Variants in PLCD4 observed in about 807,000 individuals in gnomAD.
PLCD4 encodes 1-phosphatidylinositol 4,5-bisphosphate phosphodiesterase delta-4.
A neutral mutation model predicts 90.2 loss-of-function variants in PLCD4; 63 were observed. The observed-to-expected ratio is 0.70, with a 90% CI of 0.57 to 0.86. The LOEUF (loss-of-function observed/expected upper bound fraction) is 0.86, where lower values mean the gene tolerates loss of function less well. Among genes scored for constraint, PLCD4 ranks in the 40% least tolerant of loss-of-function variants. PLCD4 has a pLI of 0.00. For missense variants in PLCD4, 830 were observed against 956.3 expected (o/e 0.87, Z 1.74); for synonymous variants, 294 against 356.5 (o/e 0.82, Z 1.97).
chr2:218,617,058 G>A (rs1358296890), intron 3 of PLCD4, among the ~76,000 whole-genome samples: 5 of 139,410 alleles, frequency 3.6e-5, no homozygotes, highest in African/African-American at 5.1e-5. Context: ...TCCGCCTTCC[G>A]GGTTCACGCC....
intron 6 of PLCD4, 36 bp from the exon 7 acceptor site, chr2:218,627,993 A>C: frequency 6.4e-7 from 1 of 1,567,118 alleles, no homozygotes. Context: ...TCCCATTCAG[A>C]GCTTCTCACC....
intron 3 of PLCD4, 24 bp downstream of exon 3, chr2:218,616,086 G>A: frequency 1.2e-6 from 2 of 1,609,906 alleles, no homozygotes; most frequent in Non-Finnish European, 8.5e-7. Flanking sequence ...ATAGTGGGGG[G>A]TGGATACATG....
intron 4 of PLCD4, among the ~76,000 whole-genome samples, chr2:218,619,514 C>T (rs1482525604): frequency 1.3e-5 from 2 of 151,974 alleles, no homozygotes; most frequent in Non-Finnish European, 2.9e-5. Context: ...AGGCTGGTCT[C>T]GAACTCTGGA....
chr2:218,610,894 A>G (rs1244183527), intron 1 of PLCD4, among the ~76,000 whole-genome samples: 2 of 151,856 alleles, frequency 1.3e-5, no homozygotes, highest in African/African-American at 4.8e-5. Context: ...CTCCCAGCTA[A>G]TTTTTGTATT....
At chr2:218,611,708 C>T (rs1695341962) in intron 1 of PLCD4, among the ~76,000 whole-genome samples, 2 of 152,158 alleles carry the variant, frequency 1.3e-5, no homozygotes, top group African/African-American at 4.8e-5. Flanking sequence ...AAGTGATTCT[C>T]CTGCCTCAGC....
At chr2:218,618,440 C>G in intron 3 of PLCD4, 139 bp from the exon 4 acceptor site, 1 of 695,154 alleles carries the variant, frequency 1.4e-6, no homozygotes, top group Non-Finnish European at 2.4e-6. Flanking sequence ...TGTACTAATG[C>G]TTTTTGGGAT....
intron 1 of PLCD4, among the ~76,000 whole-genome samples, chr2:218,614,716 G>T (rs1163374179): frequency 1.3e-5 from 2 of 152,022 alleles, no homozygotes; most frequent in African/African-American, 4.8e-5. Context: ...CTCCCAAATT[G>T]CTGGGATTAC....
At position 218,636,665 on chromosome 2, in the gene PLCD4, G is replaced by A. The variant is rs1696776176; in HGVS notation, c.*88G>A. 1 of 1,384,228 alleles carries A rather than the reference G, an allele frequency of 7.2e-7. No homozygotes were observed. The highest frequency in any genetic ancestry group is 1.0e-6 in the Non-Finnish European group (1 of 997,608). The allele number at this position is 1,384,228 out of a possible 1,614,324, so 85.7% of individuals were successfully genotyped here. On this transcript the variant is annotated 3_prime_UTR_variant, in exon 16 of 16. Transcript: ENST00000450993. ...ATGCTCGAGAGAACAAATGGAGGTG[G>A]TGAAAATCAAGCTTTGGATTGTGCA...
chr2:218,625,952 CAACA>C (rs1393683285), intron 6 of PLCD4, among the ~76,000 whole-genome samples: 3 of 151,688 alleles, frequency 2.0e-5, no homozygotes, highest in Non-Finnish European at 4.4e-5. Context: ...ACCAACCAAC[CAACA>C]AACAAACAAA....
chr2:218,614,692 C>G (rs1314139822), intron 1 of PLCD4, among the ~76,000 whole-genome samples: 1 of 151,834 alleles, frequency 6.6e-6, no homozygotes, highest in Non-Finnish European at 1.5e-5. Flanking sequence ...CTCTGGTGAT[C>G]CGCCAGCCTC....
In PLCD4 at chr2:218,615,761, C is replaced by T. The variant is rs1265137456; in HGVS notation, c.22C>T (p.Gln8Ter). The T allele has an allele frequency of 1.4e-5, 22 of 1,606,746 alleles. No individual in the cohort carries two copies. The highest frequency in any genetic ancestry group is 3.3e-5 in the South Asian group (3 of 89,828). MASLLQD[Q>*]LTTDQDLLLM... The stretch of plus-strand genomic sequence containing the variant: ...GGTGATGGCGTCCCTGCTGCAAGAC[C>T]GTGAGTGCCGGGGCCCCTGCAGGGG... Residue 8 changes from glutamine to a stop codon, truncating the protein, a stop_gained and splice_region_variant, in exon 2 of 16, where the codon CAG becomes TAG. Transcript: ENST00000450993. LOFTEE classifies it high-confidence loss of function.
intron 6 of PLCD4, among the ~76,000 whole-genome samples, chr2:218,624,160 T>C (rs1036509524): frequency 2.0e-5 from 3 of 152,220 alleles, no homozygotes; most frequent in Non-Finnish European, 2.9e-5. Context: ...GGTGCCTCTC[T>C]TGAGAATGAG....
chr2:218,618,737 A>ATAT lies in PLCD4; in HGVS notation c.341_343dup (p.Ile114_Trp115insLeu), dbSNP rs773382271. The ATAT allele has an allele frequency of 2.5e-6, 4 of 1,611,958 alleles. No individual in the cohort carries two copies. The African/African-American group carries it at 4.0e-5, about 16-fold the overall frequency. On this transcript the variant is annotated inframe_insertion, in exon 4 of 16. Coordinates refer to ENST00000450993, the MANE Select transcript of PLCD4 (RefSeq NM_032726.4). ...GGCCAACAGTGTTGAGGAGGCCCAG[A>ATAT]TATGGATGCGAGGGCTCCAGCTGTT...
At chr2:218,630,271 T>G (rs1245515954) in intron 8 of PLCD4, among the ~76,000 whole-genome samples, 1 of 152,042 alleles carries the variant, frequency 6.6e-6, no homozygotes, top group East Asian at 1.9e-4. Flanking sequence ...TAGTGGTGAG[T>G]AGGGCTGATG....
Position 218,634,271 on chromosome 2 carries a change from G to A in PLCD4, c.1723+50G>A, listed in dbSNP as rs1696579055. ...AGAGGGAGTGGAGGAGCAGCAGGTG[G>A]GAAATAAGTTCTCTAGTGATGGTAG... is the stretch of plus-strand genomic sequence containing the variant. On this transcript the variant is annotated intron_variant, in intron 12 of 15. Coordinates refer to ENST00000450993, the MANE Select transcript of PLCD4 (RefSeq NM_032726.4). This position sits in a 1 kb window ranked among gnomAD's most constrained non-coding sequence, Gnocchi z 4.0. 3.2e-6 allele frequency: 5 copies of A among 1,580,498 alleles called. No individual in the cohort carries two copies. Among genetic ancestry groups the A allele is most frequent in the Non-Finnish European group, 4.3e-6 (5 of 1,163,124 alleles).
At chr2:218,629,019 C>CAGGCTGG (rs1334553591) in intron 7 of PLCD4, 1 of 154,250 alleles carries the variant, frequency 6.5e-6, no homozygotes, top group Non-Finnish European at 1.4e-5. Flanking sequence ...AGTTCGAGAC[C>CAGGCTGG]AGGCTGGGCA....
At chr2:218,617,594 CAA>C (rs58704392) in intron 3 of PLCD4, among the ~76,000 whole-genome samples, 5 of 150,282 alleles carry the variant, frequency 3.3e-5, no homozygotes, top group African/African-American at 1.2e-4. Context: ...CAAAATAAAA[CAA>C]AAAAAAAATC....
At chr2:218,627,405 A>C (rs946598188) in intron 6 of PLCD4, among the ~76,000 whole-genome samples, 15 of 152,104 alleles carry the variant, frequency 9.9e-5, no homozygotes, top group Non-Finnish European at 2.1e-4. Context: ...CTGCAGAATA[A>C]AACGTTTTTC....
At chr2:218,613,598 C>A (rs986922120) in intron 1 of PLCD4, among the ~76,000 whole-genome samples, 1 of 152,172 alleles carries the variant, frequency 6.6e-6, no homozygotes, top group African/African-American at 2.4e-5. Context: ...CAGTCTTGCT[C>A]TGTCACCCAG....
Sources: allele counts gnomAD v4.1 joint callset (sites outside exome capture counted in the v4.1 genomes callset), GRCh38; gene constraint gnomAD v4.1.1; non-coding constraint Gnocchi (gnomAD v3.1); transcripts MANE v1.5; gene names NCBI Gene and HGNC (gene_info 2026-07-23, HGNC 2026-07-21).